P2RX1: variants seen among roughly 807,000 people sequenced by gnomAD.
P2RX1 encodes the protein P2X purinoceptor 1.
A neutral mutation model predicts 50.3 loss-of-function variants in P2RX1; 42 were observed. The ratio of observed to expected loss-of-function variants is 0.83; its 90% CI spans 0.65 to 1.08. P2RX1 has a LOEUF of 1.08. Ranked by LOEUF, P2RX1 falls within the 50% of genes least tolerant of loss-of-function variation. P2RX1 has a pLI of 0.00. For missense variants in P2RX1, 449 were observed against 529.0 expected, an observed-to-expected ratio of 0.85 and a Z score of 1.48; for synonymous variants, 199 against 202.6, an observed-to-expected ratio of 0.98 and a Z score of 0.15.
At position 3,899,000 on chromosome 17, in the gene P2RX1, G is replaced by C. The variant is rs567491886; in HGVS notation, c.900C>G (p.Asn300Lys). 1 of 1,613,006 alleles carries C rather than the reference G, an allele frequency of 6.2e-7. No individual in the cohort carries two copies. The highest frequency in any genetic ancestry group is 1.3e-5 in the African/African-American group (1 of 74,674). ...TGAAGAGGTGACGGTAGTTGGTCCC[G>C]TTCTCCACAAAGTGCCTGGCAAACC... ...NFRFARHFVENGTNYRHLFKV... is the reference protein window; with the variant it reads ...NFRFARHFVEKGTNYRHLFKV... Residue 300 changes from asparagine (N) to lysine (K), a missense_variant, in exon 9 of 12, where the codon AAC (asparagine) becomes AAG (lysine). Coordinates refer to ENST00000225538, the MANE Select transcript of P2RX1 (RefSeq NM_002558.4).
intron 3 of P2RX1, 36 bp from the exon 4 acceptor site, chr17:3,904,435 T>G: frequency 6.3e-7 from 1 of 1,592,664 alleles, no homozygotes; most frequent in Non-Finnish European, 8.6e-7. Context: ...CCAGGCCCCT[T>G]GGGTGGGGTC....
chr17:3,907,290 C>CGTGTGTGTGTGT (rs147411964), intron 1 of P2RX1, among the ~76,000 whole-genome samples: 5,658 of 134,326 alleles, frequency 0.042, 215 homozygotes, highest in African/African-American at 0.08. Context: ...TTCAGGGTAA[C>CGTGTGTGTGTGT]GTGTGTGTGT....
At chr17:3,901,234 A>C (rs2056135267) in intron 7 of P2RX1, among the ~76,000 whole-genome samples, 1 of 152,062 alleles carries the variant, frequency 6.6e-6, no homozygotes, top group African/African-American at 2.4e-5. Context: ...TGCCCGGCTA[A>C]TTTTTTATAT....
At chr17:3,898,372 A>AATGATAGAC in intron 10 of P2RX1, 112 bp downstream of exon 10, 1 of 908,340 alleles carries the variant, frequency 1.1e-6, no homozygotes, top group Non-Finnish European at 1.8e-6. Context: ...CTGGCTCAAA[A>AATGATAGAC]ATGATAGACA....
Position 3,903,874 on chromosome 17 carries a change from C to T in P2RX1, c.524+54G>A, listed in dbSNP as rs2056203899. 4.9e-6 allele frequency: 7 copies of T among 1,427,520 alleles called. No homozygotes were observed. In the Admixed American group the frequency reaches 6.7e-5, roughly 14 times the overall value. 88.4% of individuals were successfully genotyped at this position (1,427,520 alleles called of 1,614,324 possible). A position where few individuals can be genotyped will look rare whatever the true frequency, so the allele number is the denominator to read the frequency against. ...AAGATCCTTTCTAGACCTAGGCCCC[C>T]CTCTGTCTGGCCTGGGACCCTGTTC... On this transcript the variant is annotated intron_variant, in intron 5 of 11. Transcript: ENST00000225538. This position sits in a 1 kb window ranked among gnomAD's most constrained non-coding sequence, Gnocchi z 4.6.
chr17:3,909,207 T>C (rs893246382), intron 1 of P2RX1, among the ~76,000 whole-genome samples: 3 of 152,088 alleles, frequency 2.0e-5, no homozygotes, highest in East Asian at 1.9e-4. Flanking sequence ...ATTTTTTTTA[T>C]TTTTAGTAGA....
chr17:3,908,245 T>C (rs1421088451), intron 1 of P2RX1, among the ~76,000 whole-genome samples: 1 of 152,166 alleles, frequency 6.6e-6, no homozygotes, highest in East Asian at 1.9e-4. Flanking sequence ...CTGGCATTCA[T>C]GACCTCAACT....
chr17:3,907,116 GA>G (rs1473541408), intron 1 of P2RX1, among the ~76,000 whole-genome samples: 1 of 152,180 alleles, frequency 6.6e-6, no homozygotes, highest in Non-Finnish European at 1.5e-5. Flanking sequence ...AAGCACAGTT[GA>G]AAAATCTACT....
chr17:3,916,298 C>A lies in P2RX1; in HGVS notation c.-73G>T. ...TCTCAGGGTGAGCCGGGTGCCACCA[C>A]CCACGTCGATGGTAGAGCTTCTGGG... On this transcript the variant is annotated 5_prime_UTR_variant, in exon 1 of 12. Transcript: ENST00000225538. 1 of 1,539,674 alleles carries A rather than the reference C, an allele frequency of 6.5e-7. No homozygotes were observed. The highest frequency in any genetic ancestry group is 8.9e-7 in the Non-Finnish European group (1 of 1,127,662).
At position 3,916,199 on chromosome 17, in the gene P2RX1, C is replaced by T. The variant is rs1567661530; in HGVS notation, c.27G>A (p.Leu9=). Residue 9 remains leucine, a synonymous_variant, in exon 1 of 12, where the codon CTG becomes CTA. Transcript: ENST00000225538. ...TGTCATACTCGAAGAGGAAGGCGGC[C>T]AGCTCCTCCTGGAACCGCCGTGCCA... MARRFQEE[L]AAFLFEYDTP... is the part of the protein sequence containing the mutation. The T allele has an allele frequency of 6.2e-7, 1 of 1,613,050 alleles. No homozygotes were observed. The highest frequency in any genetic ancestry group is 8.5e-7 in the Non-Finnish European group (1 of 1,179,950).
chr17:3,903,265 T>C lies in P2RX1; in HGVS notation c.684A>G (p.Pro228=). The change falls in exon 7 of 12, where the codon CCA becomes CCG. Residue 228 remains proline, a synonymous_variant. Coordinates refer to ENST00000225538, the MANE Select transcript of P2RX1 (RefSeq NM_002558.4). This position sits in a 1 kb window ranked among gnomAD's most constrained non-coding sequence, Gnocchi z 4.6. ...LFHKTLHPLC[P]VFQLGYVVQE... is the part of the protein sequence containing the mutation. ...GCACCACGTAGCCAAGCTGGAAGAC[T>C]GGGCACAGGGGGTGCAGGGTCTTGT... 1 of 1,614,144 alleles carries C rather than the reference T, an allele frequency of 6.2e-7. No individual in the cohort carries two copies. Among genetic ancestry groups the C allele is most frequent in the Non-Finnish European group, 8.5e-7 (1 of 1,180,022 alleles).
At chr17:3,910,143 T>A (rs2056338511) in intron 1 of P2RX1, among the ~76,000 whole-genome samples, 1 of 151,942 alleles carries the variant, frequency 6.6e-6, no homozygotes. Context: ...CCTGGCTAAT[T>A]TTTGTATTTT....
chr17:3,908,343 C>T (rs1394482101), intron 1 of P2RX1, among the ~76,000 whole-genome samples: 1 of 152,106 alleles, frequency 6.6e-6, no homozygotes, highest in African/African-American at 2.4e-5. Context: ...GGTGGATCAC[C>T]TGAGGTCAGG....
intron 1 of P2RX1, among the ~76,000 whole-genome samples, chr17:3,906,258 A>G (rs1156822281): frequency 1.3e-5 from 2 of 151,970 alleles, no homozygotes; most frequent in African/African-American, 2.4e-5. Flanking sequence ...CAGCCTCCTG[A>G]GTAGCTGGGA....
Position 3,903,416 on chromosome 17 carries a change from G to T in P2RX1, c.606-73C>A. Reference sequence around the variant, plus strand: ...GTGCCCACCACGCCCCAAAGCCTGGGGACCCCTCACAGGCTCCACATTGCC... The same window carrying T: ...GTGCCCACCACGCCCCAAAGCCTGGTGACCCCTCACAGGCTCCACATTGCC... On this transcript the variant is annotated intron_variant, in intron 6 of 11. Coordinates refer to ENST00000225538, the MANE Select transcript of P2RX1 (RefSeq NM_002558.4). The surrounding 1 kb of genome is among the most constrained non-coding windows in gnomAD (Gnocchi z 4.6). The T allele has an allele frequency of 1.9e-6, 3 of 1,606,580 alleles. No individual in the cohort carries two copies. Among genetic ancestry groups the T allele is most frequent in the Admixed American group, 1.7e-5 (1 of 59,314 alleles).
intron 3 of P2RX1, 144 bp from the exon 4 acceptor site, chr17:3,904,543 C>G (rs2056222496): frequency 4.1e-6 from 3 of 732,488 alleles, no homozygotes; most frequent in Non-Finnish European, 7.0e-6. Context: ...CAGCCTCCTT[C>G]CCCCATTTCC....
At position 3,898,486 on chromosome 17, in the gene P2RX1, C is replaced by A. The variant is rs2056074934; in HGVS notation, c.1030G>T (p.Val344Leu). 1 of 1,613,420 alleles carries A rather than the reference C, an allele frequency of 6.2e-7. No individual in the cohort carries two copies. The highest frequency in any genetic ancestry group is 1.3e-5 in the African/African-American group (1 of 74,882). ...GAGCCGGTGACCCCAGCACTTACCA[C>A]CCCAAAGATGCCAATTCCAGAGCCG... ...TIGSGIGIFGVATVLCDLLLL... is the reference protein window; with the variant it reads ...TIGSGIGIFGLATVLCDLLLL... Residue 344 changes from valine to leucine, a missense_variant and splice_region_variant, in exon 10 of 12, where the codon GTG (valine) becomes TTG (leucine). By Grantham distance (32) the Val-to-Leu change is conservative. Transcript: ENST00000225538.
In P2RX1 at chr17:3,897,632, G is replaced by T. The variant is rs2056054714; in HGVS notation, c.*182C>A. On this transcript the variant is annotated 3_prime_UTR_variant, in exon 12 of 12. Coordinates refer to ENST00000225538, the MANE Select transcript of P2RX1 (RefSeq NM_002558.4). Reference sequence around the variant, plus strand: ...CTCCCTCAGGGTGTGTGGGGTCGGAGCCGGAGCTCAGATTTGCACAGGTCT... The same window carrying T: ...CTCCCTCAGGGTGTGTGGGGTCGGATCCGGAGCTCAGATTTGCACAGGTCT... 2 of 647,262 alleles carry T rather than the reference G, an allele frequency of 3.1e-6. No homozygotes were observed. The highest frequency in any genetic ancestry group is 5.5e-5 in the East Asian group (2 of 36,498). The allele number at this position is 647,262 out of a possible 1,614,324, so 40.1% of individuals were successfully genotyped here.
intron 1 of P2RX1, chr17:3,915,326 T>G (rs10852862): frequency 1.3e-5 from 5 of 386,682 alleles, no homozygotes; most frequent in Non-Finnish European, 2.6e-5. Context: ...ATGTGGGCAC[T>G]CAGCACCAGG....
Sources: allele counts gnomAD v4.1 joint callset (sites outside exome capture counted in the v4.1 genomes callset), GRCh38; gene constraint gnomAD v4.1.1; non-coding constraint Gnocchi (gnomAD v3.1); transcripts MANE v1.5; gene names NCBI Gene and HGNC (gene_info 2026-07-23, HGNC 2026-07-21).